Variants in COL5A2 observed in about 807,000 individuals in gnomAD.
COL5A2 encodes the protein collagen alpha-2(V) chain.
In COL5A2, 23 loss-of-function variants were observed where a neutral mutation model predicts 208.2. The ratio of observed to expected loss-of-function variants is 0.11; its 90% CI spans 0.08 to 0.16. The LOEUF is 0.16. Ranked by LOEUF, COL5A2 falls within the 10% of genes least tolerant of loss-of-function variation. The pLI, the probability that COL5A2 is intolerant of heterozygous loss-of-function variation, is 1.00. For synonymous variants in COL5A2, 625 were observed against 628.5 expected (o/e 0.99, Z 0.08); for missense variants, 1,590 against 1,956.4 (o/e 0.81, Z 3.53).
At chr2:189,089,702 G>A (rs1257000971) in intron 7 of COL5A2, among the ~76,000 whole-genome samples, 2 of 151,964 alleles carry the variant, frequency 1.3e-5, no homozygotes, top group Non-Finnish European at 2.9e-5. Context: ...GTCACACTTT[G>A]GTAGTTCTCA....
At chr2:189,312,432 C>T in the COL5A2 span, among the ~76,000 whole-genome samples, 4 of 152,170 alleles carry the variant, frequency 2.6e-5, no homozygotes, top group Admixed American at 2.0e-4. Flanking sequence ...AGTGCCTGCA[C>T]AGACACTGGC....
At chr2:189,189,389 A>C (rs1688895696) in intron 1 of COL5A2, among the ~76,000 whole-genome samples, 1 of 152,224 alleles carries the variant, frequency 6.6e-6, no homozygotes, top group Non-Finnish European at 1.5e-5. Context: ...TATGAAGCTA[A>C]AATGGCATTA....
the COL5A2 span, among the ~76,000 whole-genome samples, chr2:189,404,315 A>T: frequency 6.6e-6 from 1 of 152,188 alleles, no homozygotes; most frequent in African/African-American, 2.4e-5. Flanking sequence ...CCTGAATAGA[A>T]CAGAAAGGCA....
chr2:189,274,208 C>A, the COL5A2 span, among the ~76,000 whole-genome samples: 1 of 152,018 alleles, frequency 6.6e-6, no homozygotes, highest in Non-Finnish European at 1.5e-5. Context: ...TAAGGTATAA[C>A]CCAGATATAC....
intron 1 of COL5A2, among the ~76,000 whole-genome samples, chr2:189,138,636 T>C (rs1687871563): frequency 6.6e-6 from 1 of 152,074 alleles, no homozygotes; most frequent in Non-Finnish European, 1.5e-5. Context: ...GCTCTTTGAA[T>C]AAACAGCTGA....
the COL5A2 span, among the ~76,000 whole-genome samples, chr2:189,290,565 T>C: frequency 1.3e-5 from 2 of 152,106 alleles, no homozygotes; most frequent in African/African-American, 2.4e-5. Flanking sequence ...TGAGGTAGAA[T>C]TGTTAGCAAA....
In COL5A2 at chr2:189,170,994, C is replaced by T. The variant is rs115418252; in HGVS notation, c.97+8514G>A. Reference sequence around the variant, plus strand: ...TCAGTATGGTATTGTTCCTGCATGGCAGAGGTGTACTGACTGTTGTGAGAT... The same window carrying T: ...TCAGTATGGTATTGTTCCTGCATGGTAGAGGTGTACTGACTGTTGTGAGAT... On this transcript the variant is annotated intron_variant, in intron 1 of 53. Transcript: ENST00000374866. 9.3e-3 allele frequency among the ~76,000 whole-genome samples: 1,421 copies of T among 152,116 alleles called. 15 individuals are homozygous for T. The highest frequency in any genetic ancestry group is 0.02 in the South Asian group (95 of 4,812).
intron 1 of COL5A2, among the ~76,000 whole-genome samples, chr2:189,156,536 G>C (rs1006019706): frequency 2.0e-5 from 3 of 152,070 alleles, no homozygotes; most frequent in Admixed American, 6.6e-5. Context: ...TGATAGTCTT[G>C]TCCTCATAAA....
In COL5A2 at chr2:189,064,675, A is replaced by T. The variant is rs1686108019; in HGVS notation, c.1618-20T>A. 6.6e-7 allele frequency: 1 copy of T among 1,509,702 alleles called. No homozygotes were observed. The highest frequency in any genetic ancestry group is 9.2e-7 in the Non-Finnish European group (1 of 1,085,154). 93.5% of individuals were successfully genotyped at this position (1,509,702 alleles called of 1,614,324 possible). On this transcript the variant is annotated intron_variant, in intron 24 of 53. Transcript: ENST00000374866. The stretch of plus-strand genomic sequence containing the variant: ...AGCACCCTGTACCGAGGCAAAGCAG[A>T]TGCATGAAGAAAAAGAGTATAGAAA...
chr2:189,060,606 G>C lies in COL5A2; in HGVS notation c.2085+124C>G. 6.3e-6 allele frequency: 5 copies of C among 795,204 alleles called. No individual in the cohort carries two copies. In the Admixed American group the frequency reaches 9.9e-5, roughly 16 times the overall value. The allele number at this position is 795,204 out of a possible 1,614,324, so 49.3% of individuals were successfully genotyped here. On this transcript the variant is annotated intron_variant, in intron 31 of 53. Coordinates refer to ENST00000374866, the MANE Select transcript of COL5A2 (RefSeq NM_000393.5). The stretch of plus-strand genomic sequence containing the variant: ...GATAATGATAGTACCTAGTACATAG[G>C]GCTGCTTTGAGAACTCAAAGAGATA...
At chr2:189,042,903 C>A in intron 48 of COL5A2, 130 bp from the exon 49 acceptor site, 1 of 919,324 alleles carries the variant, frequency 1.1e-6, no homozygotes, top group Non-Finnish European at 1.7e-6. Context: ...TCTGCAATGT[C>A]TACATGAGTT....
In COL5A2 at chr2:189,033,469, A is replaced by G. The variant is rs1298225850; in HGVS notation, c.*601T>C. On this transcript the variant is annotated 3_prime_UTR_variant, in exon 54 of 54. Transcript: ENST00000374866. ...ACTATTTAAAAATTCTATTTAAGAC[A>G]GTGAGAAACGTTTTTTTTTTTTTAA... 3.3e-5 allele frequency: 5 copies of G among 152,920 alleles called. No individual in the cohort carries two copies. Among genetic ancestry groups the G allele is most frequent in the East Asian group, 1.9e-4 (1 of 5,170 alleles). 9.5% of individuals were successfully genotyped at this position (152,920 alleles called of 1,614,324 possible). A position where few individuals can be genotyped will look rare whatever the true frequency, so the allele number is the denominator to read the frequency against.
At chr2:189,210,592 A>T (rs1453624450) in intron 1 of COL5A2, among the ~76,000 whole-genome samples, 1 of 152,252 alleles carries the variant, frequency 6.6e-6, no homozygotes, top group African/African-American at 2.4e-5. Context: ...TTATTCAATA[A>T]ATAATTCTCC....
chr2:189,358,619 G>A, the COL5A2 span, among the ~76,000 whole-genome samples: 3 of 152,172 alleles, frequency 2.0e-5, no homozygotes, highest in Non-Finnish European at 2.9e-5. Flanking sequence ...GAACATCTTA[G>A]GTGTTTTGAC....
chr2:189,050,274 C>G (rs1685756276), intron 43 of COL5A2, among the ~76,000 whole-genome samples: 1 of 71,850 alleles, frequency 1.4e-5, no homozygotes. Flanking sequence ...TATCCCCCTC[C>G]TCTAGCTCCG....
the COL5A2 span, among the ~76,000 whole-genome samples, chr2:189,425,160 C>T: frequency 6.6e-6 from 1 of 152,180 alleles, no homozygotes; most frequent in Non-Finnish European, 1.5e-5. Flanking sequence ...TATCATCTCA[C>T]TTCTGTTAGA....
At chr2:189,366,592 T>C in the COL5A2 span, among the ~76,000 whole-genome samples, 1 of 152,252 alleles carries the variant, frequency 6.6e-6, no homozygotes, top group Non-Finnish European at 1.5e-5. Flanking sequence ...GCACCAGGCA[T>C]AGATCCCCGC....
chr2:189,210,956 T>C (rs956211653), intron 1 of COL5A2, among the ~76,000 whole-genome samples: 1 of 152,226 alleles, frequency 6.6e-6, no homozygotes, highest in African/African-American at 2.4e-5. Context: ...CCAGGATTTT[T>C]TTTTAACTGT....
At chr2:189,438,858 A>G in the COL5A2 span, among the ~76,000 whole-genome samples, 3 of 152,316 alleles carry the variant, frequency 2.0e-5, no homozygotes, top group South Asian at 4.1e-4. Flanking sequence ...ACTGTCTTCA[A>G]TTTCAGAGTA....
Sources: gnomAD v4.1 joint callset for allele counts (sites outside exome capture counted in the v4.1 genomes callset) on GRCh38, gnomAD v4.1.1 for gene constraint, MANE v1.5 for transcripts, NCBI Gene and HGNC (gene_info 2026-07-23, HGNC 2026-07-21) for gene names.